Variants in GPC5 observed in about 807,000 individuals in gnomAD.
GPC5 encodes the protein glypican 5, also known as glypican-5.
A neutral mutation model predicts 53.9 loss-of-function variants in GPC5; 47 were observed. The ratio of observed to expected loss-of-function variants is 0.87; its 90% CI spans 0.69 to 1.11. GPC5 has a LOEUF of 1.11. Among genes scored for constraint, GPC5 ranks in the 50% most tolerant of loss-of-function variants. The pLI, the probability that GPC5 is intolerant of heterozygous loss-of-function variation, is 0.00. For missense variants in GPC5, 748 were observed against 713.1 expected (o/e 1.05, Z -0.56); for synonymous variants, 286 against 263.3 (o/e 1.09, Z -0.84).
At chr13:92,119,389 A>AGT (rs2041627061) in intron 6 of GPC5, among the ~76,000 whole-genome samples, 1 of 86,666 alleles carries the variant, frequency 1.2e-5, no homozygotes, top group Non-Finnish European at 2.3e-5. Flanking sequence ...TTAGGATTTT[A>AGT]GTTTTTTTTT....
At chr13:92,853,856 C>T (rs777770444) in intron 7 of GPC5, among the ~76,000 whole-genome samples, 1 of 152,046 alleles carries the variant, frequency 6.6e-6, no homozygotes, top group Non-Finnish European at 1.5e-5. Flanking sequence ...TCCAATAGTG[C>T]CGCATCAAAG....
chr13:91,830,062 T>A (rs2038631559), intron 5 of GPC5, among the ~76,000 whole-genome samples: 1 of 152,066 alleles, frequency 6.6e-6, no homozygotes, highest in African/African-American at 2.4e-5. Context: ...TTCTTCTTCC[T>A]AAGAAGCCTG....
intron 7 of GPC5, among the ~76,000 whole-genome samples, chr13:92,675,146 A>G (rs1462926389): frequency 7.0e-6 from 1 of 142,954 alleles, no homozygotes; most frequent in Non-Finnish European, 1.6e-5. Context: ...TATATCTTTC[A>G]GAAATTATCA....
chr13:92,479,522 A>G (rs1594237183), intron 7 of GPC5, among the ~76,000 whole-genome samples: 1 of 152,202 alleles, frequency 6.6e-6, no homozygotes, highest in Non-Finnish European at 1.5e-5. Flanking sequence ...AAATGCGACT[A>G]TAGATGGCTC....
intron 2 of GPC5, among the ~76,000 whole-genome samples, chr13:91,525,773 T>C (rs1196108862): frequency 6.6e-6 from 1 of 152,230 alleles, no homozygotes; most frequent in Non-Finnish European, 1.5e-5. Flanking sequence ...TGTAGTGTTT[T>C]TCTAACAATA....
rs533419302 is a variant in GPC5 at position 92,605,265 on chromosome 13, T to C, written c.1562-261017T>C. 3.9e-5 allele frequency among the ~76,000 whole-genome samples: 6 copies of C among 152,346 alleles called. No individual in the cohort carries two copies. The South Asian group carries it at 8.3e-4, about 21-fold the overall frequency. On this transcript the variant is annotated intron_variant, in intron 7 of 7. Transcript: ENST00000377067. ...ATTCTTGTAATCATTAATTCTCCAA[T>C]ATTACTAGATTTATAAATTTTTAAA...
intron 7 of GPC5, among the ~76,000 whole-genome samples, chr13:92,577,298 C>T (rs1034487553): frequency 3.3e-5 from 5 of 152,100 alleles, no homozygotes; most frequent in African/African-American, 9.7e-5. Flanking sequence ...TCGTCAATCT[C>T]GCTTTAGTCC....
rs376799145 is a variant in GPC5, at chr13:91,711,712, T to C, written c.1021-16820T>C. 1.1e-4 allele frequency among the ~76,000 whole-genome samples: 16 copies of C among 152,370 alleles called. No individual in the cohort carries two copies. In the East Asian group the frequency reaches 3.1e-3, roughly 29 times the overall value. ...AGCCCATTTTTGACTGAACAAGTTA[T>C]GGATTTTCTGCTAAAAACACTTAGA... On this transcript the variant is annotated intron_variant, in intron 3 of 7. Coordinates refer to ENST00000377067, the MANE Select transcript of GPC5 (RefSeq NM_004466.6).
intron 6 of GPC5, among the ~76,000 whole-genome samples, chr13:91,982,982 C>T (rs749450339): frequency 2.0e-5 from 3 of 151,974 alleles, no homozygotes; most frequent in Non-Finnish European, 4.4e-5. Flanking sequence ...GCAATAATTC[C>T]CTAGGCTCTT....
chr13:91,747,720 G>A (rs1445666707), intron 4 of GPC5, among the ~76,000 whole-genome samples: 1 of 151,658 alleles, frequency 6.6e-6, no homozygotes, highest in Non-Finnish European at 1.5e-5. Context: ...TTTGGAAACA[G>A]GTGGAAATAC....
intron 6 of GPC5, among the ~76,000 whole-genome samples, chr13:91,993,684 GA>G (rs2040478039): frequency 1.3e-5 from 2 of 152,018 alleles, no homozygotes; most frequent in South Asian, 4.1e-4. Context: ...TTTTTTTCAT[GA>G]AAATGAAATA....
At chr13:92,697,567 T>C (rs564929816) in intron 7 of GPC5, among the ~76,000 whole-genome samples, 1 of 152,324 alleles carries the variant, frequency 6.6e-6, no homozygotes, top group African/African-American at 2.4e-5. Flanking sequence ...TTTGCTGAAG[T>C]TGTTTATCAG....
chr13:92,813,235 A>G (rs1877357024), intron 7 of GPC5, among the ~76,000 whole-genome samples: 1 of 151,922 alleles, frequency 6.6e-6, no homozygotes, highest in African/African-American at 2.4e-5. Context: ...TTGTTGAAAT[A>G]AGATTGGAAT....
At chr13:92,320,535 G>T (rs1396132635) in intron 7 of GPC5, among the ~76,000 whole-genome samples, 2 of 152,100 alleles carry the variant, frequency 1.3e-5, no homozygotes, top group Non-Finnish European at 2.9e-5. Flanking sequence ...TATAAATATA[G>T]TCATTCCTTT....
At chr13:92,828,142 T>C (rs1877916396) in intron 7 of GPC5, among the ~76,000 whole-genome samples, 1 of 152,130 alleles carries the variant, frequency 6.6e-6, no homozygotes, top group African/African-American at 2.4e-5. Flanking sequence ...ACTGTTTCAA[T>C]TAAATGCTAT....
chr13:92,601,520 A>G (rs1179139587), intron 7 of GPC5, among the ~76,000 whole-genome samples: 2 of 135,124 alleles, frequency 1.5e-5, no homozygotes, highest in African/African-American at 2.7e-5. Context: ...ACACCACTGC[A>G]CTCCAGCCTG....
chr13:92,199,250 G>T (rs1323202284), intron 7 of GPC5, among the ~76,000 whole-genome samples: 2 of 152,180 alleles, frequency 1.3e-5, no homozygotes, highest in African/African-American at 4.8e-5. Flanking sequence ...CTGTTTTACT[G>T]CACGGACCTG....
rs72346282 is a variant in GPC5, at chr13:92,051,199, C to CTTTT, written c.1402-93613_1402-93610dup. On this transcript the variant is annotated intron_variant, in intron 6 of 7. Transcript: ENST00000377067. ...AGGAGAGACTGCATTTCATTTTTTT[C>CTTTT]TTTTTTTTTTTTTTTTTTTTTGAGA... 2.5e-3 allele frequency among the ~76,000 whole-genome samples: 186 copies of CTTTT among 73,902 alleles called. 2 individuals are homozygous for CTTTT. Among genetic ancestry groups the CTTTT allele is most frequent in the African/African-American group, 7.7e-3 (180 of 23,266 alleles). 48.5% of individuals were successfully genotyped at this position (73,902 alleles called of 152,430 possible).
At chr13:92,217,198 C>T (rs187547205) in intron 7 of GPC5, among the ~76,000 whole-genome samples, 9 of 152,188 alleles carry the variant, frequency 5.9e-5, no homozygotes, top group Non-Finnish European at 1.2e-4. Context: ...TACTAGTTTA[C>T]GCCACTCATA....
Sources: allele counts gnomAD v4.1 joint callset (sites outside exome capture counted in the v4.1 genomes callset), GRCh38; gene constraint gnomAD v4.1.1; transcripts MANE v1.5; gene names NCBI Gene and HGNC (gene_info 2026-07-23, HGNC 2026-07-21).